The following CTNNA3 variants were observed in gnomAD, a reference collection of about 807,000 sequenced individuals.
CTNNA3 encodes the protein catenin alpha 3.
A neutral mutation model predicts 95.7 loss-of-function variants in CTNNA3; 76 were observed. The ratio of observed to expected loss-of-function variants is 0.79; its 90% CI spans 0.66 to 0.96. The LOEUF is 0.96. Ranked by LOEUF, CTNNA3 falls within the 40% of genes least tolerant of loss-of-function variation. CTNNA3 has a pLI of 0.00. For synonymous variants in CTNNA3, 431 were observed against 374.4 expected, an observed-to-expected ratio of 1.15 and a Z score of -1.74; for missense variants, 1,191 against 1,089.8, an observed-to-expected ratio of 1.09 and a Z score of -1.31.
rs961261170 is a variant in CTNNA3 at position 66,001,511 on chromosome 10, C to T, written c.2160-12714G>A. Among the ~76,000 whole-genome samples, 7 of 152,252 alleles carry T rather than the reference C, an allele frequency of 4.6e-5. No individual in the cohort carries two copies. The East Asian group carries it at 1.4e-3, about 29-fold the overall frequency. On this transcript the variant is annotated intron_variant, in intron 15 of 17. Transcript: ENST00000433211. ...AATAAGTTTTGTCTGCATCCCAGGACTGCCACTGATTAGCCATGTAGTCTT... is the reference window on the plus strand; with the variant it reads ...AATAAGTTTTGTCTGCATCCCAGGATTGCCACTGATTAGCCATGTAGTCTT...
intron 1 of CTNNA3, among the ~76,000 whole-genome samples, chr10:67,691,974 C>T (rs1433389456): frequency 3.3e-5 from 5 of 149,260 alleles, no homozygotes; most frequent in African/African-American, 1.2e-4. Context: ...CCAGCCGCCC[C>T]ATCCGGGAAG....
intron 9 of CTNNA3, among the ~76,000 whole-genome samples, chr10:66,744,253 G>C (rs1240233859): frequency 3.9e-5 from 6 of 152,060 alleles, no homozygotes; most frequent in African/African-American, 1.4e-4. Context: ...TGTCTATTTA[G>C]CTCTTCTTAG....
rs560693106 is a variant in CTNNA3 at position 66,057,030 on chromosome 10, T to A, written c.2159+12278A>T. ...AAGCCAAATATACCCCTCAAACCCA[T>A]CTCATAAAATGTCCTGCTCCTATTT... On this transcript the variant is annotated intron_variant, in intron 15 of 17. Coordinates refer to ENST00000433211, the MANE Select transcript of CTNNA3 (RefSeq NM_013266.4). Among the ~76,000 whole-genome samples the A allele has an allele frequency of 2.2e-4, 33 of 152,238 alleles. No individual in the cohort carries two copies. In the South Asian group the frequency reaches 4.6e-3, roughly 21 times the overall value.
intron 5 of CTNNA3, among the ~76,000 whole-genome samples, chr10:67,234,223 T>C (rs1156982010): frequency 1.3e-5 from 2 of 152,186 alleles, no homozygotes; most frequent in African/African-American, 4.8e-5. Context: ...GAGAGAATTT[T>C]AGACCAATAT....
At chr10:66,532,699 G>A (rs562997090) in intron 10 of CTNNA3, among the ~76,000 whole-genome samples, 1 of 152,188 alleles carries the variant, frequency 6.6e-6, no homozygotes, top group East Asian at 1.9e-4. Context: ...GTGTTCTAAG[G>A]GAGAAAAGTC....
At chr10:66,053,310 G>C (rs1394489964) in intron 15 of CTNNA3, among the ~76,000 whole-genome samples, 1 of 151,750 alleles carries the variant, frequency 6.6e-6, no homozygotes, top group Non-Finnish European at 1.5e-5. Context: ...CTTTTCTTAG[G>C]ATGTTTTTCA....
chr10:66,366,298 C>T (rs1295505166), intron 12 of CTNNA3, among the ~76,000 whole-genome samples: 4 of 152,010 alleles, frequency 2.6e-5, no homozygotes, highest in South Asian at 2.1e-4. Context: ...GTAAGTTAAA[C>T]GAAATAAATC....
intron 13 of CTNNA3, among the ~76,000 whole-genome samples, chr10:66,147,057 G>C (rs765260689): frequency 2.0e-5 from 3 of 152,048 alleles, no homozygotes; most frequent in Non-Finnish European, 4.4e-5. Flanking sequence ...TTTGGTTGCT[G>C]TTTTGTTGCT....
At chr10:66,158,811 C>A (rs897905771) in intron 13 of CTNNA3, among the ~76,000 whole-genome samples, 2 of 152,026 alleles carry the variant, frequency 1.3e-5, no homozygotes, top group Non-Finnish European at 1.5e-5. Context: ...TTTGTGTTGT[C>A]TATGATTTCT....
intron 1 of CTNNA3, among the ~76,000 whole-genome samples, chr10:67,730,111 C>G (rs1028691709): frequency 6.6e-6 from 1 of 152,160 alleles, no homozygotes. Flanking sequence ...ACACTCCCTT[C>G]TCTTGTGGAG....
In CTNNA3 at chr10:67,599,200, G is replaced by A. The variant is rs144721475; in HGVS notation, c.292+7657C>T. On this transcript the variant is annotated intron_variant, in intron 3 of 17. Coordinates refer to ENST00000433211, the MANE Select transcript of CTNNA3 (RefSeq NM_013266.4). ...TACACAAACTCCTGGTTATTCATCAGTAATTTAACCACCTGCTGAAGTAAA... is the reference window on the plus strand; with the variant it reads ...TACACAAACTCCTGGTTATTCATCAATAATTTAACCACCTGCTGAAGTAAA... 5.9e-5 allele frequency among the ~76,000 whole-genome samples: 9 copies of A among 152,264 alleles called. No individual in the cohort carries two copies. In the East Asian group the frequency reaches 1.7e-3, roughly 29 times the overall value.
At chr10:67,608,363 T>A (rs544781506) in intron 2 of CTNNA3, among the ~76,000 whole-genome samples, 4 of 152,216 alleles carry the variant, frequency 2.6e-5, no homozygotes, top group Non-Finnish European at 5.9e-5. Context: ...AAATTTTATT[T>A]TATAATTATT....
intron 1 of CTNNA3, among the ~76,000 whole-genome samples, chr10:67,670,001 C>G (rs545083786): frequency 6.6e-6 from 1 of 152,296 alleles, no homozygotes; most frequent in South Asian, 2.1e-4. Flanking sequence ...GGGACACTAA[C>G]ACATATTAAT....
chr10:66,660,867 C>T (rs1846238798), intron 9 of CTNNA3, among the ~76,000 whole-genome samples: 1 of 152,016 alleles, frequency 6.6e-6, no homozygotes, highest in Non-Finnish European at 1.5e-5. Context: ...TATTTATTGA[C>T]TTTTGCCTAT....
At chr10:66,986,995 C>A (rs530908370) in intron 7 of CTNNA3, among the ~76,000 whole-genome samples, 174 of 152,092 alleles carry the variant, frequency 1.1e-3, no homozygotes, top group Non-Finnish European at 2.0e-3. Context: ...GATACATGAG[C>A]CAAGATCTGA....
At chr10:66,463,159 T>C (rs1257058476) in intron 11 of CTNNA3, among the ~76,000 whole-genome samples, 2 of 152,186 alleles carry the variant, frequency 1.3e-5, no homozygotes, top group East Asian at 1.9e-4. Context: ...TTGTTGAAAT[T>C]TGATGTCCAA....
Position 67,031,426 on chromosome 10 carries a change from C to A in CTNNA3, c.1047+148891G>T, listed in dbSNP as rs527810820. On this transcript the variant is annotated intron_variant, in intron 7 of 17. Transcript: ENST00000433211. The stretch of plus-strand genomic sequence containing the variant: ...GGCTACATTATCCCTTTCTACTATA[C>A]ATTGTGCTTATCACTAATGTATTGA... Among the ~76,000 whole-genome samples, 4 of 152,280 alleles carry A rather than the reference C, an allele frequency of 2.6e-5. No homozygotes were observed. In the South Asian group the frequency reaches 6.2e-4, roughly 24 times the overall value.
chr10:66,076,716 G>A (rs1435135168), intron 14 of CTNNA3, among the ~76,000 whole-genome samples: 1 of 151,592 alleles, frequency 6.6e-6, no homozygotes, highest in Non-Finnish European at 1.5e-5. Flanking sequence ...GATTATCTAT[G>A]TCTTAAATAT....
chr10:67,188,786 T>C (rs1453849890), intron 6 of CTNNA3, among the ~76,000 whole-genome samples: 2 of 152,136 alleles, frequency 1.3e-5, no homozygotes, highest in East Asian at 1.9e-4. Flanking sequence ...ATGTAGTATA[T>C]ATGCAATGGA....
Sources: allele counts gnomAD v4.1 joint callset (sites outside exome capture counted in the v4.1 genomes callset), GRCh38; gene constraint gnomAD v4.1.1; transcripts MANE v1.5; gene names NCBI Gene and HGNC (gene_info 2026-07-23, HGNC 2026-07-21).